COL22A1: variants seen among roughly 807,000 people sequenced by gnomAD.
COL22A1 encodes the protein collagen alpha-1(XXII) chain.
Under a neutral mutation model 248.9 loss-of-function variants are expected in COL22A1, and 221 were observed. The ratio of observed to expected loss-of-function variants is 0.89; its 90% CI spans 0.80 to 0.99. The LOEUF (loss-of-function observed/expected upper bound fraction) is 0.99. Among genes scored for constraint, COL22A1 ranks in the 50% least tolerant of loss-of-function variants. The pLI is 0.00. For missense variants in COL22A1, 2,240 were observed against 2,179.0 expected (o/e 1.03, Z -0.56); for synonymous variants, 891 against 793.4 (o/e 1.12, Z -2.07).
intron 1 of COL22A1, among the ~76,000 whole-genome samples, chr8:138,907,955 G>A (rs1189813244): frequency 6.6e-6 from 1 of 152,166 alleles, no homozygotes; most frequent in Non-Finnish European, 1.5e-5. Flanking sequence ...TGGGGATGAA[G>A]TTCCCAACAC....
chr8:138,680,690 A>C (rs924653299), intron 39 of COL22A1, among the ~76,000 whole-genome samples: 8 of 152,066 alleles, frequency 5.3e-5, no homozygotes, highest in African/African-American at 1.9e-4. Context: ...ACCTCTCCCT[A>C]GCTTCCCCTG....
chr8:138,884,067 C>A (rs554267604), intron 1 of COL22A1, among the ~76,000 whole-genome samples: 1 of 152,258 alleles, frequency 6.6e-6, no homozygotes, highest in African/African-American at 2.4e-5. Flanking sequence ...CCACACCTCC[C>A]TTTGCCCCCC....
intron 37 of COL22A1, among the ~76,000 whole-genome samples, chr8:138,688,162 C>T (rs1826513589): frequency 8.5e-6 from 1 of 117,168 alleles, no homozygotes; most frequent in African/African-American, 3.2e-5. Context: ...GTAGATTCTC[C>T]TTCTTGGCCT....
Position 138,901,020 on chromosome 8 carries a change from C to A in COL22A1, c.-73+12599G>T, listed in dbSNP as rs75150881. Among the ~76,000 whole-genome samples the A allele has an allele frequency of 1.9e-3, 286 of 152,202 alleles. 6 individuals are homozygous for A. In the East Asian group the frequency reaches 0.049, roughly 26 times the overall value. ...TGAGATTTTGTTGTTTTATAGTATT[C>A]TTTGGCTACTCATCTGTCCAGCATC... On this transcript the variant is annotated intron_variant, in intron 1 of 64. Coordinates refer to ENST00000303045, the MANE Select transcript of COL22A1 (RefSeq NM_152888.3).
chr8:138,609,294 G>A (rs1191551417), intron 56 of COL22A1, among the ~76,000 whole-genome samples: 1 of 152,188 alleles, frequency 6.6e-6, no homozygotes, highest in Non-Finnish European at 1.5e-5. Context: ...CTGAACATAG[G>A]CAGCACTGAT....
intron 43 of COL22A1, 108 bp from the exon 44 acceptor site, chr8:138,660,588 G>A (rs1823735265): frequency 2.1e-6 from 2 of 963,732 alleles, no homozygotes; most frequent in South Asian, 1.5e-5. Flanking sequence ...AACTCAGTGG[G>A]GAAAAAAAAT....
intron 3 of COL22A1, among the ~76,000 whole-genome samples, chr8:138,870,807 G>T (rs972434988): frequency 6.6e-6 from 1 of 151,704 alleles, no homozygotes; most frequent in Admixed American, 6.6e-5. Context: ...AGTGTGTGTG[G>T]TGTGTGCATA....
At chr8:138,683,918 T>C (rs1301779461) in intron 39 of COL22A1, among the ~76,000 whole-genome samples, 1 of 152,194 alleles carries the variant, frequency 6.6e-6, no homozygotes, top group Non-Finnish European at 1.5e-5. Flanking sequence ...ATTTATTAAG[T>C]ACCGATTATA....
chr8:138,663,037 A>ACACACACACACACACACACACACAC (rs764044186), intron 42 of COL22A1, among the ~76,000 whole-genome samples: 1 of 40,508 alleles, frequency 2.5e-5, no homozygotes, highest in Non-Finnish European at 8.5e-5. Context: ...CACACACACA[A>ACACACACACACACACACACACACAC]AGCAATCCCT....
chr8:138,793,535 T>C (rs1322563378), intron 12 of COL22A1, among the ~76,000 whole-genome samples: 2 of 152,196 alleles, frequency 1.3e-5, no homozygotes, highest in Non-Finnish European at 2.9e-5. Context: ...TGGCGGAATC[T>C]AGACTCAGAC....
chr8:138,806,175 AGTAATGGTGT>A (rs879743877), intron 10 of COL22A1, among the ~76,000 whole-genome samples: 31,995 of 70,998 alleles, frequency 0.45, 4,597 homozygotes, highest in African/African-American at 0.52. Context: ...TGATGGTGTA[AGTAATGGTGT>A]GTGATGGTGT....
chr8:138,743,079 T>C (rs949751918), intron 22 of COL22A1, among the ~76,000 whole-genome samples: 1 of 151,028 alleles, frequency 6.6e-6, no homozygotes, highest in Admixed American at 6.6e-5. Flanking sequence ...GTGGAGTTGA[T>C]GGTGATGGTG....
intron 3 of COL22A1, among the ~76,000 whole-genome samples, chr8:138,859,926 G>T (rs1390467654): frequency 6.6e-6 from 1 of 152,192 alleles, no homozygotes; most frequent in East Asian, 1.9e-4. Flanking sequence ...CCTCCAAGCA[G>T]CATCCCTTCC....
At chr8:138,589,490 A>G in intron 64 of COL22A1, 50 bp from the exon 65 acceptor site, 1 of 1,398,212 alleles carries the variant, frequency 7.2e-7, no homozygotes, top group Non-Finnish European at 9.5e-7. Context: ...TCCTTCTGGG[A>G]GGGGATGGGC....
At chr8:138,835,051 G>A (rs759333143) in intron 4 of COL22A1, among the ~76,000 whole-genome samples, 3 of 152,144 alleles carry the variant, frequency 2.0e-5, no homozygotes, top group Admixed American at 6.5e-5. Context: ...AAGGCGCTCC[G>A]GGAGGAAGCT....
intron 16 of COL22A1, among the ~76,000 whole-genome samples, chr8:138,767,475 T>A (rs1363186057): frequency 6.6e-6 from 1 of 151,888 alleles, no homozygotes; most frequent in East Asian, 1.9e-4. Context: ...CCCACCAGGA[T>A]AACAAAACAC....
rs763983726 is a variant in COL22A1, at chr8:138,762,404, C to T, written c.1857+9G>A. ...GAAACCTAGCCCAACAGCGCCAGCA[C>T]CCACCTACCTGCTGTCCTGTGTCCC... is the stretch of plus-strand genomic sequence containing the variant. On this transcript the variant is annotated intron_variant, in intron 17 of 64. Transcript: ENST00000303045. 1 of 1,613,956 alleles carries T rather than the reference C, an allele frequency of 6.2e-7. No homozygotes were observed. The highest frequency in any genetic ancestry group is 8.5e-7 in the Non-Finnish European group (1 of 1,179,914).
chr8:138,602,026 GC>G (rs1818061900), intron 60 of COL22A1, 88 bp downstream of exon 60: 2 of 1,430,122 alleles, frequency 1.4e-6, no homozygotes, highest in Non-Finnish European at 2.0e-6. Flanking sequence ...TTTACTAACT[GC>G]CTTGGACAAA....
intron 45 of COL22A1, 97 bp from the exon 46 acceptor site, chr8:138,649,875 G>A (rs1822547603): frequency 2.9e-6 from 2 of 700,202 alleles, no homozygotes; most frequent in Admixed American, 3.2e-5. Context: ...CTCTCCAGAT[G>A]GAGATTTGGT....
Sources: gnomAD v4.1 joint callset for allele counts (sites outside exome capture counted in the v4.1 genomes callset) on GRCh38, gnomAD v4.1.1 for gene constraint, MANE v1.5 for transcripts, NCBI Gene and HGNC (gene_info 2026-07-23, HGNC 2026-07-21) for gene names.